Variants in PAK2 observed in about 807,000 individuals in gnomAD.
PAK2 encodes serine/threonine-protein kinase PAK 2.
PAK2 carries 21 observed loss-of-function variants against 65.9 expected under a neutral mutation model. That is an observed-to-expected ratio of 0.32 (90% CI 0.23 to 0.46). The LOEUF (loss-of-function observed/expected upper bound fraction) is 0.46. Among genes scored for constraint, PAK2 ranks in the 20% least tolerant of loss-of-function variants. The pLI, the probability that PAK2 is intolerant of heterozygous loss-of-function variation, is 1.00. For missense variants in PAK2, 324 were observed against 642.6 expected (o/e 0.50, Z 5.36); for synonymous variants, 204 against 219.7 (o/e 0.93, Z 0.63).
intron 1 of PAK2, among the ~76,000 whole-genome samples, chr3:196,752,473 C>G (rs1713635484): frequency 6.6e-6 from 1 of 152,116 alleles, no homozygotes; most frequent in South Asian, 2.1e-4. Flanking sequence ...TCTCTTAACC[C>G]TTTCTCACTT....
chr3:196,747,407 A>G (rs1713423801), intron 1 of PAK2: 1 of 152,162 alleles, frequency 6.6e-6, no homozygotes, highest in Non-Finnish European at 1.5e-5. Context: ...GCACATTCTA[A>G]TTTACATGGA....
intron 1 of PAK2, among the ~76,000 whole-genome samples, chr3:196,751,694 T>G (rs1442273346): frequency 2.2e-5 from 1 of 45,874 alleles, no homozygotes; most frequent in East Asian, 3.1e-4. Flanking sequence ...TATATATATA[T>G]AATTCAGGCT....
At chr3:196,751,674 CAT>C (rs149522539) in intron 1 of PAK2, among the ~76,000 whole-genome samples, 14,212 of 71,742 alleles carry the variant, frequency 0.2, 2,553 homozygotes, top group East Asian at 0.54. Flanking sequence ...TATTTATATA[CAT>C]ATATATATAT....
At position 196,806,342 on chromosome 3, in the gene PAK2, A is replaced by G. The variant is rs143164866; in HGVS notation, c.469-237A>G. On this transcript the variant is annotated intron_variant, in intron 5 of 14. Transcript: ENST00000327134. ...GTATATGTATGCTTAGGGTAACTTT[A>G]TTAAAATATTTGGTACTCACCATAT... 7.8e-3 allele frequency among the ~76,000 whole-genome samples: 1,191 copies of G among 152,276 alleles called. 11 individuals are homozygous for G. The highest frequency in any genetic ancestry group is 0.032 in the South Asian group (156 of 4,826).
At chr3:196,794,179 A>G (rs150179141) in intron 2 of PAK2, among the ~76,000 whole-genome samples, 610 of 152,320 alleles carry the variant, frequency 4.0e-3, no homozygotes, top group African/African-American at 0.014. Flanking sequence ...ACAGAAATAC[A>G]AAGATGGAAA....
intron 2 of PAK2, among the ~76,000 whole-genome samples, chr3:196,786,440 C>T (rs113296550): frequency 2.2e-4 from 34 of 152,252 alleles, no homozygotes; most frequent in African/African-American, 7.2e-4. Flanking sequence ...AGATTACAGG[C>T]GTGAGCCACC....
At chr3:196,762,330 G>A (rs1400246709) in intron 1 of PAK2, among the ~76,000 whole-genome samples, 2 of 137,352 alleles carry the variant, frequency 1.5e-5, no homozygotes, top group African/African-American at 5.3e-5. Context: ...CGGCACTTTG[G>A]GAGGCCAAGG....
intron 4 of PAK2, among the ~76,000 whole-genome samples, chr3:196,803,664 G>A (rs1715487670): frequency 6.6e-6 from 1 of 152,168 alleles, no homozygotes; most frequent in African/African-American, 2.4e-5. Context: ...AATCATATAC[G>A]AAAGAAGCGT....
At chr3:196,776,849 C>T (rs192141641) in intron 1 of PAK2, among the ~76,000 whole-genome samples, 78 of 152,274 alleles carry the variant, frequency 5.1e-4, no homozygotes, top group African/African-American at 1.8e-3. Context: ...CCACAATGAA[C>T]CTTTTAGGAA....
intron 11 of PAK2, among the ~76,000 whole-genome samples, chr3:196,815,667 G>A (rs568052839): frequency 5.9e-5 from 9 of 151,728 alleles, no homozygotes; most frequent in Admixed American, 1.3e-4. Flanking sequence ...CGCGCCTGTA[G>A]TCTCAGCTAC....
intron 11 of PAK2, among the ~76,000 whole-genome samples, chr3:196,815,928 ATTTC>A (rs1716014531): frequency 6.6e-6 from 1 of 152,110 alleles, no homozygotes; most frequent in East Asian, 1.9e-4. Context: ...GAAACCGGTT[ATTTC>A]TTTATATTCA....
chr3:196,828,715 G>T lies in PAK2; in HGVS notation c.*310G>T, dbSNP rs1711966247. 2 of 290,186 alleles carry T rather than the reference G, an allele frequency of 6.9e-6. No individual in the cohort carries two copies. The highest frequency in any genetic ancestry group is 4.6e-5 in the African/African-American group (2 of 43,944). 18.0% of individuals were successfully genotyped at this position (290,186 alleles called of 1,614,324 possible). A position where few individuals can be genotyped will look rare whatever the true frequency, so the allele number is the denominator to read the frequency against. ...TGCATTTTACTTTGCTGACTTTGTT[G>T]TAATAGATCCCATTCATTGTCCCCT... On this transcript the variant is annotated 3_prime_UTR_variant, in exon 15 of 15. Coordinates refer to ENST00000327134, the MANE Select transcript of PAK2 (RefSeq NM_002577.4).
chr3:196,799,470 G>A (rs1286672908), intron 2 of PAK2, among the ~76,000 whole-genome samples: 1 of 152,074 alleles, frequency 6.6e-6, no homozygotes, highest in East Asian at 1.9e-4. Context: ...GCTCACGGAT[G>A]GACTCATGTC....
intron 1 of PAK2, among the ~76,000 whole-genome samples, chr3:196,761,814 C>T (rs1428244163): frequency 3.1e-5 from 4 of 128,702 alleles, no homozygotes; most frequent in African/African-American, 5.9e-5. Context: ...CCGGATGGGG[C>T]GGCTGGCCGG....
intron 7 of PAK2, among the ~76,000 whole-genome samples, chr3:196,808,928 G>T (rs9863627): frequency 0.89 from 134,711 of 151,860 alleles, 59,814 homozygotes; most frequent in East Asian, 1. Context: ...GAAAAATACT[G>T]TATGGAAGGA....
At chr3:196,818,610 C>T (rs1262633264) in intron 12 of PAK2, among the ~76,000 whole-genome samples, 1 of 152,196 alleles carries the variant, frequency 6.6e-6, no homozygotes, top group Non-Finnish European at 1.5e-5. Context: ...CAGGTATCTT[C>T]CCGCCTCAGC....
At chr3:196,754,275 T>C (rs1293970121) in intron 1 of PAK2, among the ~76,000 whole-genome samples, 13 of 152,202 alleles carry the variant, frequency 8.5e-5, no homozygotes, top group Non-Finnish European at 4.4e-5. Flanking sequence ...CTTGTGGTTT[T>C]CTTTTGCTAT....
chr3:196,790,836 G>GC (rs1715044423), intron 2 of PAK2, among the ~76,000 whole-genome samples: 1 of 152,124 alleles, frequency 6.6e-6, no homozygotes, highest in Admixed American at 6.5e-5. Context: ...TCACCTGGTC[G>GC]CCCCCACCCT....
At chr3:196,754,118 C>T (rs757510127) in intron 1 of PAK2, among the ~76,000 whole-genome samples, 1 of 152,074 alleles carries the variant, frequency 6.6e-6, no homozygotes, top group African/African-American at 2.4e-5. Flanking sequence ...TAAAATTTAT[C>T]TCACTTTTCT....
Sources: allele counts gnomAD v4.1 joint callset (sites outside exome capture counted in the v4.1 genomes callset), GRCh38; gene constraint gnomAD v4.1.1; transcripts MANE v1.5; gene names NCBI Gene and HGNC (gene_info 2026-07-23, HGNC 2026-07-21).